The following GLT1D1 variants were observed in gnomAD, a reference collection of about 807,000 sequenced individuals.
GLT1D1 encodes glycosyltransferase 1 domain containing 1.
GLT1D1 carries 21 observed loss-of-function variants against 28.7 expected under a neutral mutation model. The observed-to-expected ratio is 0.73, with a 90% CI of 0.52 to 1.05. GLT1D1 has a LOEUF of 1.05. GLT1D1 is among the 50% of genes least tolerant of loss of function. GLT1D1 has a pLI of 0.00. For missense variants in GLT1D1, 343 were observed against 330.6 expected (o/e 1.04, Z -0.29); for synonymous variants, 147 against 124.8 (o/e 1.18, Z -1.19).
At chr12:128,936,639 G>A (rs939181402) in intron 4 of GLT1D1, among the ~76,000 whole-genome samples, 9 of 152,130 alleles carry the variant, frequency 5.9e-5, no homozygotes, top group Non-Finnish European at 1.3e-4. Context: ...GCATTTTCTG[G>A]TGCTCTTTGA....
intron 1 of GLT1D1, among the ~76,000 whole-genome samples, chr12:128,868,277 A>G (rs1956596729): frequency 6.6e-6 from 1 of 152,230 alleles, no homozygotes; most frequent in Non-Finnish European, 1.5e-5. Context: ...AACACGACCC[A>G]GGTCCCAGAA....
At chr12:128,874,121 TC>T (rs1176044272) in intron 1 of GLT1D1, among the ~76,000 whole-genome samples, 9 of 55,718 alleles carry the variant, frequency 1.6e-4, no homozygotes, top group African/African-American at 4.1e-4. Context: ...TCTCTCTCTC[TC>T]TCTCTTTCTT....
chr12:128,979,733 A>G (rs1880134705), intron 7 of GLT1D1, among the ~76,000 whole-genome samples: 1 of 151,202 alleles, frequency 6.6e-6, no homozygotes, highest in South Asian at 2.1e-4. Flanking sequence ...AGCCTGGGTA[A>G]CACTGCGAGA....
At chr12:128,893,466 CA>C (rs925728181) in intron 3 of GLT1D1, among the ~76,000 whole-genome samples, 15 of 150,832 alleles carry the variant, frequency 9.9e-5, no homozygotes, top group Admixed American at 9.2e-4. Context: ...ATTTTTTTTA[CA>C]AAAAAAATCA....
At chr12:128,974,292 C>T (rs1420625444) in intron 7 of GLT1D1, among the ~76,000 whole-genome samples, 5 of 152,120 alleles carry the variant, frequency 3.3e-5, no homozygotes, top group Admixed American at 6.5e-5. Context: ...CGGACCCACC[C>T]GGCTCACAGA....
chr12:128,943,232 T>C (rs942263281), intron 4 of GLT1D1, among the ~76,000 whole-genome samples: 1 of 152,246 alleles, frequency 6.6e-6, no homozygotes, highest in Non-Finnish European at 1.5e-5. Context: ...CACACCTGTT[T>C]ACTAATTATG....
At position 128,886,089 on chromosome 12, in the gene GLT1D1, G is replaced by A. The variant is rs554770776; in HGVS notation, c.218-2550G>A. On this transcript the variant is annotated intron_variant, in intron 2 of 7. Coordinates refer to ENST00000281703, the MANE Select transcript of GLT1D1 (RefSeq NM_144669.3). ...TATAAAGGGGAGTTTCCCTGCACAC[G>A]CTGTCTTCTCTTGTCTGCTACCATG... Among the ~76,000 whole-genome samples, 137 of 152,236 alleles carry A rather than the reference G, an allele frequency of 9.0e-4. 1 individual carries two copies. Among genetic ancestry groups the A allele is most frequent in the African/African-American group, 3.2e-3 (132 of 41,544 alleles).
chr12:128,871,444 C>T (rs563553197), intron 1 of GLT1D1, among the ~76,000 whole-genome samples: 200 of 152,240 alleles, frequency 1.3e-3, no homozygotes, highest in Non-Finnish European at 2.0e-3. Flanking sequence ...TCAAGATACA[C>T]GATGCACTTC....
At chr12:128,928,305 G>A (rs906126364) in intron 4 of GLT1D1, among the ~76,000 whole-genome samples, 2 of 152,068 alleles carry the variant, frequency 1.3e-5, no homozygotes, top group African/African-American at 4.8e-5. Flanking sequence ...TCTGGTGGCC[G>A]TGACTATGGT....
chr12:128,909,548 A>G (rs1398780227), intron 4 of GLT1D1, among the ~76,000 whole-genome samples: 1 of 152,238 alleles, frequency 6.6e-6, no homozygotes, highest in Non-Finnish European at 1.5e-5. Context: ...ATAATTTCAG[A>G]ACAAAAACTA....
chr12:128,902,814 G>A (rs545038458), intron 4 of GLT1D1, among the ~76,000 whole-genome samples: 6 of 151,452 alleles, frequency 4.0e-5, no homozygotes, highest in Non-Finnish European at 7.4e-5. Flanking sequence ...AGGCTGAGGC[G>A]GGCAGATCAC....
chr12:128,924,950 T>C (rs1873038517), intron 4 of GLT1D1, among the ~76,000 whole-genome samples: 1 of 152,168 alleles, frequency 6.6e-6, no homozygotes, highest in South Asian at 2.1e-4. Context: ...GCAAAGACTG[T>C]GGCCATCCAC....
At position 128,942,735 on chromosome 12, in the gene GLT1D1, G is replaced by GTTTTTTTTTTTTTT. The variant is rs1397894974; in HGVS notation, c.376-2588_376-2587insTTTTTTTTTTTTTT. 5.7e-4 allele frequency among the ~76,000 whole-genome samples: 51 copies of GTTTTTTTTTTTTTT among 89,540 alleles called. 10 individuals are homozygous for GTTTTTTTTTTTTTT. The highest frequency in any genetic ancestry group is 2.1e-3 in the African/African-American group (49 of 23,146). 58.7% of individuals were successfully genotyped at this position (89,540 alleles called of 152,430 possible). A position where few individuals can be genotyped will look rare whatever the true frequency, so the allele number is the denominator to read the frequency against. On this transcript the variant is annotated intron_variant, in intron 4 of 7. Coordinates refer to ENST00000281703, the MANE Select transcript of GLT1D1 (RefSeq NM_144669.3). Reference sequence around the variant, plus strand: ...ATCACTTTAGATTCCAATTTTCTTTGTTTGTTTGTTTTTGTTTTTTGTTTT... The same window carrying GTTTTTTTTTTTTTT: ...ATCACTTTAGATTCCAATTTTCTTTGTTTTTTTTTTTTTTTTTGTTTGTTTTTGTTTTTTGTTTT...
intron 2 of GLT1D1, among the ~76,000 whole-genome samples, chr12:128,881,567 T>A (rs866683171): frequency 0.032 from 1,822 of 57,102 alleles, 31 homozygotes; most frequent in African/African-American, 0.041. Context: ...AAAAAATATA[T>A]ATATATATAT....
intron 2 of GLT1D1, among the ~76,000 whole-genome samples, chr12:128,884,123 A>G (rs1231872863): frequency 6.6e-6 from 1 of 152,192 alleles, no homozygotes; most frequent in Non-Finnish European, 1.5e-5. Flanking sequence ...CCCCATGTTC[A>G]CTGCAGCACT....
At chr12:128,937,913 A>G (rs747778711) in intron 4 of GLT1D1, among the ~76,000 whole-genome samples, 5 of 152,192 alleles carry the variant, frequency 3.3e-5, no homozygotes, top group African/African-American at 9.7e-5. Context: ...TAAATGATGC[A>G]GTCTTGGATG....
At position 128,973,179 on chromosome 12, in the gene GLT1D1, G is replaced by GTTTTTTTTTTTTTTTTTTTTTTTTTTTT. The variant is rs61169176; in HGVS notation, c.640-9723_640-9722insTTTTTTTTTTTTTTTTTTTTTTTTTTTT. Among the ~76,000 whole-genome samples the GTTTTTTTTTTTTTTTTTTTTTTTTTTTT allele has an allele frequency of 7.6e-4, 39 of 50,984 alleles. 5 individuals carry two copies. The highest frequency in any genetic ancestry group is 1.4e-3 in the Non-Finnish European group (35 of 24,888). The allele number at this position is 50,984 out of a possible 152,430, so 33.4% of individuals were successfully genotyped here. A position where few individuals can be genotyped will look rare whatever the true frequency, so the allele number is the denominator to read the frequency against. ...CTTTTCTGTTTTGTTTGTTTGCTTGGTTTTTTTTTTTTTTTTTTTTTTTTT... is the reference window on the plus strand; with the variant it reads ...CTTTTCTGTTTTGTTTGTTTGCTTGGTTTTTTTTTTTTTTTTTTTTTTTTTTTTTTTTTTTTTTTTTTTTTTTTTTTTT... On this transcript the variant is annotated intron_variant, in intron 7 of 7. Transcript: ENST00000281703.
At chr12:128,920,539 A>G (rs1226239317) in intron 4 of GLT1D1, among the ~76,000 whole-genome samples, 1 of 152,132 alleles carries the variant, frequency 6.6e-6, no homozygotes, top group East Asian at 1.9e-4. Flanking sequence ...GGACAACAAG[A>G]GTGAAACTTT....
At chr12:128,974,256 G>A (rs563882410) in intron 7 of GLT1D1, among the ~76,000 whole-genome samples, 47 of 152,188 alleles carry the variant, frequency 3.1e-4, no homozygotes, top group Non-Finnish European at 4.9e-4. Context: ...GCTGATGGCC[G>A]GAGTCCTTGT....
Sources: allele counts gnomAD v4.1 joint callset (sites outside exome capture counted in the v4.1 genomes callset), GRCh38; gene constraint gnomAD v4.1.1; transcripts MANE v1.5; gene names NCBI Gene and HGNC (gene_info 2026-07-23, HGNC 2026-07-21).